The following ADGRL3 variants were observed in gnomAD, a reference collection of about 807,000 sequenced individuals.
The protein encoded by ADGRL3 is calcium-independent alpha-latrotoxin receptor 3.
A neutral mutation model predicts 153.5 loss-of-function variants in ADGRL3; 62 were observed. The ratio of observed to expected loss-of-function variants is 0.40; its 90% CI spans 0.33 to 0.50. ADGRL3 has a LOEUF of 0.50. Ranked by LOEUF, ADGRL3 falls within the 20% of genes least tolerant of loss-of-function variation. The pLI is 0.47. For missense variants in ADGRL3, 1,641 were observed against 1,859.4 expected (o/e 0.88, Z 2.16); for synonymous variants, 710 against 672.5 (o/e 1.06, Z -0.86).
intron 17 of ADGRL3, among the ~76,000 whole-genome samples, chr4:61,958,193 C>A (rs2098974643): frequency 6.6e-6 from 1 of 152,114 alleles, no homozygotes; most frequent in Non-Finnish European, 1.5e-5. Context: ...TTCTTGTTTG[C>A]AACCCCAGTG....
At chr4:61,225,471 C>G (rs1250284267) in intron 1 of ADGRL3, among the ~76,000 whole-genome samples, 1 of 152,116 alleles carries the variant, frequency 6.6e-6, no homozygotes, top group South Asian at 2.1e-4. Context: ...TTTTCCTGCC[C>G]TCATCCTCTT....
chr4:61,701,689 A>T (rs1437138961), intron 6 of ADGRL3, among the ~76,000 whole-genome samples: 1 of 151,928 alleles, frequency 6.6e-6, no homozygotes, highest in Non-Finnish European at 1.5e-5. Flanking sequence ...CACCTGCCTC[A>T]TCCTCCCAAA....
chr4:61,995,005 TG>T (rs1325277134), intron 19 of ADGRL3, among the ~76,000 whole-genome samples: 1 of 151,620 alleles, frequency 6.6e-6, no homozygotes, highest in African/African-American at 2.4e-5. Flanking sequence ...CTCAACCGCC[TG>T]GGTTTAGGTG....
chr4:61,929,047 A>T (rs1202251203), intron 13 of ADGRL3, among the ~76,000 whole-genome samples: 1 of 152,106 alleles, frequency 6.6e-6, no homozygotes, highest in East Asian at 1.9e-4. Context: ...ATAAATAAAT[A>T]CTGAAATGGG....
chr4:61,324,908 C>A (rs1396559008), intron 1 of ADGRL3, among the ~76,000 whole-genome samples: 2 of 152,080 alleles, frequency 1.3e-5, no homozygotes, highest in Non-Finnish European at 2.9e-5. Context: ...TAGTGTAATT[C>A]ATTAACTTAT....
chr4:61,636,532 A>T (rs1227478028), intron 5 of ADGRL3, among the ~76,000 whole-genome samples: 1 of 152,090 alleles, frequency 6.6e-6, no homozygotes, highest in Non-Finnish European at 1.5e-5. Context: ...AGAAGGTGAA[A>T]TGGAGATACT....
intron 2 of ADGRL3, among the ~76,000 whole-genome samples, chr4:61,487,394 G>T (rs1006028481): frequency 1.3e-5 from 2 of 152,108 alleles, no homozygotes; most frequent in African/African-American, 4.8e-5. Flanking sequence ...AATTAAATGA[G>T]TTAATACATG....
chr4:61,762,290 T>C (rs1365482256), intron 8 of ADGRL3, among the ~76,000 whole-genome samples: 2 of 152,170 alleles, frequency 1.3e-5, no homozygotes, highest in Admixed American at 1.3e-4. Flanking sequence ...GCCATATAAA[T>C]ACAACTTAAA....
At chr4:61,337,087 G>A (rs2095693609) in intron 1 of ADGRL3, among the ~76,000 whole-genome samples, 1 of 151,932 alleles carries the variant, frequency 6.6e-6, no homozygotes. Context: ...TTGCCTGGCA[G>A]GTGGCCACAT....
At chr4:62,004,115 G>A (rs929731529) in intron 21 of ADGRL3, among the ~76,000 whole-genome samples, 1 of 152,062 alleles carries the variant, frequency 6.6e-6, no homozygotes, top group African/African-American at 2.4e-5. Context: ...TTTTGTGGTT[G>A]AGGTCTATAA....
At chr4:62,058,444 A>G (rs1426495532) in intron 25 of ADGRL3, among the ~76,000 whole-genome samples, 1 of 152,184 alleles carries the variant, frequency 6.6e-6, no homozygotes, top group Non-Finnish European at 1.5e-5. Flanking sequence ...TCAAGATGCC[A>G]TCAATTTCAC....
At chr4:61,335,515 C>T (rs1051078074) in intron 1 of ADGRL3, among the ~76,000 whole-genome samples, 2 of 152,112 alleles carry the variant, frequency 1.3e-5, no homozygotes, top group Non-Finnish European at 2.9e-5. Context: ...TACAGTTTAT[C>T]CATCTATTAA....
At chr4:61,274,967 G>A (rs1010801432) in intron 1 of ADGRL3, among the ~76,000 whole-genome samples, 16 of 152,060 alleles carry the variant, frequency 1.1e-4, no homozygotes, top group African/African-American at 3.9e-4. Context: ...TCTGCTTCTG[G>A]CTTTGCCACT....
intron 1 of ADGRL3, among the ~76,000 whole-genome samples, chr4:61,361,052 T>A (rs1474017908): frequency 6.6e-6 from 1 of 152,180 alleles, no homozygotes; most frequent in Non-Finnish European, 1.5e-5. Flanking sequence ...TAGGAGCACT[T>A]ATGGCTCACT....
chr4:61,550,339 G>A (rs2098734518), intron 4 of ADGRL3, among the ~76,000 whole-genome samples: 2 of 151,932 alleles, frequency 1.3e-5, no homozygotes, highest in Admixed American at 6.6e-5. Context: ...GTTTTAAAAG[G>A]CAACAGTGTT....
intron 1 of ADGRL3, among the ~76,000 whole-genome samples, chr4:61,228,212 A>G (rs1346174998): frequency 6.6e-6 from 1 of 152,166 alleles, no homozygotes; most frequent in Non-Finnish European, 1.5e-5. Context: ...GAATTTTGAC[A>G]AGCCTCTGAT....
At chr4:61,674,257 C>G (rs2095111646) in intron 5 of ADGRL3, among the ~76,000 whole-genome samples, 1 of 151,102 alleles carries the variant, frequency 6.6e-6, no homozygotes, top group African/African-American at 2.4e-5. Context: ...ATTTGAAATC[C>G]CTATTGATTC....
intron 4 of ADGRL3, among the ~76,000 whole-genome samples, chr4:61,561,657 A>T (rs1405625141): frequency 6.6e-6 from 1 of 152,124 alleles, no homozygotes; most frequent in Admixed American, 6.5e-5. Flanking sequence ...TTTTCTGCAC[A>T]TGTTTCTATT....
chr4:61,498,627 T>C (rs2098348060), intron 3 of ADGRL3, among the ~76,000 whole-genome samples: 1 of 152,150 alleles, frequency 6.6e-6, no homozygotes. Context: ...GGTGTGATTA[T>C]GGAAACATGC....
Sources: allele counts gnomAD v4.1 joint callset (sites outside exome capture counted in the v4.1 genomes callset), GRCh38; gene constraint gnomAD v4.1.1; transcripts MANE v1.5; gene names NCBI Gene and HGNC (gene_info 2026-07-23, HGNC 2026-07-21).